WDFY4: variants seen among roughly 807,000 people sequenced by gnomAD.
WDFY4 encodes the protein WDFY family member 4, also known as WD repeat- and FYVE domain-containing protein 4.
A neutral mutation model predicts 351.9 loss-of-function variants in WDFY4; 169 were observed. The observed-to-expected ratio is 0.48, with a 90% CI of 0.42 to 0.55. The LOEUF (loss-of-function observed/expected upper bound fraction) is 0.55, where lower values mean the gene tolerates loss of function less well. Ranked by LOEUF, WDFY4 falls within the 20% of genes least tolerant of loss-of-function variation. The probability of loss-of-function intolerance (pLI) is 0.00; values close to 1 mark genes in which losing one functional copy is unlikely to be tolerated. For synonymous variants in WDFY4, 1,622 were observed against 1,574.6 expected (o/e 1.03, Z -0.71); for missense variants, 3,803 against 3,935.6 (o/e 0.97, Z 0.90).
intron 13 of WDFY4, among the ~76,000 whole-genome samples, chr10:48,767,910 C>A (rs1021657208): frequency 6.6e-6 from 1 of 152,086 alleles, no homozygotes; most frequent in Non-Finnish European, 1.5e-5. Context: ...ACTTCCAGGA[C>A]CCCCAGAAAG....
chr10:48,812,498 T>G (rs933353685), intron 30 of WDFY4, among the ~76,000 whole-genome samples: 2 of 152,166 alleles, frequency 1.3e-5, no homozygotes, highest in Non-Finnish European at 2.9e-5. Flanking sequence ...CCCCCTTTCT[T>G]CCTTTTGTAT....
chr10:48,796,535 T>C, intron 24 of WDFY4, 85 bp downstream of exon 24: 1 of 1,471,358 alleles, frequency 6.8e-7, no homozygotes, highest in Non-Finnish European at 9.0e-7. Context: ...AAACCTAGCA[T>C]GTCAGCTTCC....
At chr10:48,815,542 T>C (rs1008523324) in intron 31 of WDFY4, among the ~76,000 whole-genome samples, 4 of 152,270 alleles carry the variant, frequency 2.6e-5, no homozygotes, top group African/African-American at 9.6e-5. Context: ...CACTCTAGCC[T>C]CTGCTTCTCA....
At chr10:48,695,877 C>A (rs994034583) in intron 1 of WDFY4, among the ~76,000 whole-genome samples, 1 of 152,102 alleles carries the variant, frequency 6.6e-6, no homozygotes, top group Non-Finnish European at 1.5e-5. Flanking sequence ...ACAGAACCAG[C>A]CCCTTCCACA....
At chr10:48,913,622 G>A (rs1838217286) in intron 47 of WDFY4, 4 of 1,614,130 alleles carry the variant, frequency 2.5e-6, no homozygotes, top group Middle Eastern at 1.6e-4. Flanking sequence ...GCTTTGGAAA[G>A]GGGTTCCGCT....
intron 19 of WDFY4, among the ~76,000 whole-genome samples, chr10:48,782,156 G>A (rs1275003562): frequency 6.6e-6 from 1 of 152,224 alleles, no homozygotes; most frequent in African/African-American, 2.4e-5. Flanking sequence ...CATTAGAGAG[G>A]AAGCAGAAGT....
intron 52 of WDFY4, among the ~76,000 whole-genome samples, chr10:48,958,022 C>T (rs1047965160): frequency 2.0e-5 from 3 of 152,228 alleles, no homozygotes; most frequent in African/African-American, 7.2e-5. Context: ...TGAGCCATCA[C>T]CAATGCATAC....
intron 40 of WDFY4, among the ~76,000 whole-genome samples, chr10:48,873,214 T>C (rs193169893): frequency 6.6e-6 from 1 of 152,372 alleles, no homozygotes; most frequent in East Asian, 1.9e-4. Flanking sequence ...GACCTGTTGC[T>C]TTCTGTCCAT....
intron 58 of WDFY4, 53 bp downstream of exon 58, chr10:48,975,094 G>T: frequency 6.5e-7 from 1 of 1,550,016 alleles, no homozygotes; most frequent in Non-Finnish European, 8.7e-7. Flanking sequence ...GTAGCATGGG[G>T]TACAACACTC....
Position 48,883,275 on chromosome 10 carries a change from T to C in WDFY4, c.7167+6076T>C, listed in dbSNP as rs572018203. Among the ~76,000 whole-genome samples, 120 of 152,328 alleles carry C rather than the reference T, an allele frequency of 7.9e-4. 2 individuals are homozygous for C. The South Asian group carries it at 0.024, about 30-fold the overall frequency. The stretch of plus-strand genomic sequence containing the variant: ...CCCTGGTCCACTGTGGCCTTATCCC[T>C]GGACCACTATGGTTTTGTGTCAAGG... On this transcript the variant is annotated intron_variant, in intron 43 of 61. Coordinates refer to ENST00000325239, the MANE Select transcript of WDFY4 (RefSeq NM_001394531.1).
intron 39 of WDFY4, among the ~76,000 whole-genome samples, chr10:48,845,310 G>C (rs544378221): frequency 4.6e-5 from 7 of 152,266 alleles, no homozygotes; most frequent in Admixed American, 3.3e-4. Flanking sequence ...CCCACACTGA[G>C]AGGGCTTCCT....
At chr10:48,777,526 C>T (rs1382825302) in intron 17 of WDFY4, 31 bp downstream of exon 17, 46 of 1,533,976 alleles carry the variant, frequency 3.0e-5, no homozygotes, top group Middle Eastern at 3.4e-4. Context: ...GTTTAGCTCT[C>T]CATCCCTTCC....
intron 9 of WDFY4, among the ~76,000 whole-genome samples, chr10:48,733,641 T>C (rs2064543433): frequency 6.6e-6 from 1 of 152,114 alleles, no homozygotes; most frequent in South Asian, 2.1e-4. Flanking sequence ...AAATGCAAAT[T>C]ATAGAACCCC....
At chr10:48,692,186 G>T (rs2063213432) in intron 1 of WDFY4, among the ~76,000 whole-genome samples, 1 of 152,206 alleles carries the variant, frequency 6.6e-6, no homozygotes, top group Admixed American at 6.5e-5. Flanking sequence ...GGCAGATCAG[G>T]GTGGCAAATG....
intron 1 of WDFY4, among the ~76,000 whole-genome samples, chr10:48,691,520 C>T (rs887903202): frequency 4.6e-5 from 7 of 152,310 alleles, no homozygotes; most frequent in South Asian, 4.1e-4. Context: ...CCCAGCGTAG[C>T]GGGCTGCTGG....
At chr10:48,736,211 T>C in intron 11 of WDFY4, 141 bp downstream of exon 11, 1 of 919,582 alleles carries the variant, frequency 1.1e-6, no homozygotes, top group Non-Finnish European at 1.7e-6. Context: ...TAGCGTCAGG[T>C]GCTGTAACAA....
rs74358986 is a variant in WDFY4, at chr10:48,731,428, C to A, written c.1448C>A (p.Thr483Asn). 6.4e-7 allele frequency: 1 copy of A among 1,551,730 alleles called. No individual in the cohort carries two copies. Among genetic ancestry groups the A allele is most frequent in the African/African-American group, 1.4e-5 (1 of 73,178 alleles). ...LIKESPGPSC[T>N]LMALQSILSI... ...AAGGAGAGCCCTGGGCCATCCTGCACCCTCATGGCCCTGCAGAGCATCCTC... is the reference window on the plus strand; with the variant it reads ...AAGGAGAGCCCTGGGCCATCCTGCAACCTCATGGCCCTGCAGAGCATCCTC... Residue 483 changes from threonine (T) to asparagine (N), a missense_variant, in exon 9 of 62, where the codon ACC (threonine) becomes AAC (asparagine). Transcript: ENST00000325239.
intron 53 of WDFY4, among the ~76,000 whole-genome samples, chr10:48,960,853 A>T (rs1476684906): frequency 6.6e-6 from 1 of 152,054 alleles, no homozygotes; most frequent in Non-Finnish European, 1.5e-5. Flanking sequence ...TTTTATATAC[A>T]GGCATGAAAT....
chr10:48,814,131 G>A, intron 31 of WDFY4, 49 bp downstream of exon 31: 1 of 1,475,764 alleles, frequency 6.8e-7, no homozygotes, highest in Non-Finnish European at 9.1e-7. Context: ...TGATGGGAAG[G>A]CCAGTTTGGA....
Sources: allele counts gnomAD v4.1 joint callset (sites outside exome capture counted in the v4.1 genomes callset), GRCh38; gene constraint gnomAD v4.1.1; transcripts MANE v1.5; gene names NCBI Gene and HGNC (gene_info 2026-07-23, HGNC 2026-07-21).